Variants in LRMDA observed in about 807,000 individuals in gnomAD.
LRMDA encodes leucine-rich melanocyte differentiation-associated protein.
Under a neutral mutation model 29.8 loss-of-function variants are expected in LRMDA, and 18 were observed. The observed-to-expected ratio is 0.60, with a 90% CI of 0.42 to 0.90. The LOEUF (loss-of-function observed/expected upper bound fraction) is 0.90. Ranked by LOEUF, LRMDA falls within the 40% of genes least tolerant of loss-of-function variation. LRMDA has a pLI of 0.00. For missense variants in LRMDA, 273 were observed against 273.9 expected, an observed-to-expected ratio of 1.00 and a Z score of 0.02; for synonymous variants, 125 against 109.4, an observed-to-expected ratio of 1.14 and a Z score of -0.89.
chr10:76,302,826 C>T (rs914039826), intron 5 of LRMDA, among the ~76,000 whole-genome samples: 6 of 152,104 alleles, frequency 3.9e-5, no homozygotes, highest in African/African-American at 7.2e-5. Context: ...TCCTAAGTAG[C>T]CCTTTCTAGA....
At position 75,823,757 on chromosome 10, in the gene LRMDA, T is replaced by TAC. The variant is rs796189481; in HGVS notation, c.132-212237_132-212236dup. Among the ~76,000 whole-genome samples the TAC allele has an allele frequency of 1.7e-3, 245 of 147,432 alleles. 1 individual carries two copies. Among genetic ancestry groups the TAC allele is most frequent in the African/African-American group, 5.4e-3 (217 of 40,074 alleles). ...ACAGACACATATATACCTACTTACA[T>TAC]ACACACACACACACATACACACACA... On this transcript the variant is annotated intron_variant, in intron 2 of 6. Coordinates refer to ENST00000611255, the MANE Select transcript of LRMDA (RefSeq NM_001305581.2).
intron 2 of LRMDA, among the ~76,000 whole-genome samples, chr10:75,798,920 A>G (rs1008781112): frequency 2.6e-5 from 4 of 152,296 alleles, no homozygotes; most frequent in African/African-American, 4.8e-5. Flanking sequence ...TTTAATTTAG[A>G]TATTTATTAG....
intron 2 of LRMDA, among the ~76,000 whole-genome samples, chr10:75,948,720 T>C (rs1175107629): frequency 6.6e-6 from 1 of 152,188 alleles, no homozygotes; most frequent in East Asian, 1.9e-4. Flanking sequence ...GAACCTTTTC[T>C]CCCCCTTCTG....
At chr10:76,551,410 A>T (rs1843492892) in intron 6 of LRMDA, among the ~76,000 whole-genome samples, 2 of 152,216 alleles carry the variant, frequency 1.3e-5, no homozygotes, top group Admixed American at 1.3e-4. Flanking sequence ...TATGTACATG[A>T]TTATTTTAAT....
At chr10:75,884,684 G>A (rs938175968) in intron 2 of LRMDA, among the ~76,000 whole-genome samples, 2 of 152,228 alleles carry the variant, frequency 1.3e-5, no homozygotes, top group African/African-American at 4.8e-5. Context: ...GGGCCTGACA[G>A]TAACTCCTTG....
At chr10:76,554,950 C>T (rs547100261) in intron 6 of LRMDA, among the ~76,000 whole-genome samples, 106 of 152,106 alleles carry the variant, frequency 7.0e-4, no homozygotes, top group Middle Eastern at 6.8e-3. Context: ...AGATTGTGTT[C>T]TTTATGACAT....
chr10:75,797,792 A>G (rs1353999164), intron 2 of LRMDA, among the ~76,000 whole-genome samples: 1 of 152,160 alleles, frequency 6.6e-6, no homozygotes, highest in Non-Finnish European at 1.5e-5. Context: ...TTCATTTGTC[A>G]GTTGATGATG....
chr10:75,488,260 C>T (rs1462742025), intron 2 of LRMDA, among the ~76,000 whole-genome samples: 4 of 152,150 alleles, frequency 2.6e-5, no homozygotes, highest in Admixed American at 1.3e-4. Context: ...GTATCTTTTC[C>T]TTTTTCTTAA....
chr10:76,153,441 G>A (rs1850483108), intron 5 of LRMDA, among the ~76,000 whole-genome samples: 1 of 152,092 alleles, frequency 6.6e-6, no homozygotes, highest in African/African-American at 2.4e-5. Flanking sequence ...TAAGAATTTT[G>A]TATCTTTGGC....
intron 5 of LRMDA, among the ~76,000 whole-genome samples, chr10:76,313,217 G>A (rs1840650686): frequency 6.6e-6 from 1 of 152,118 alleles, no homozygotes; most frequent in African/African-American, 2.4e-5. Context: ...ACAGAACTAG[G>A]AGTTGTGACT....
Position 76,345,060 on chromosome 10 carries a change from C to CTTT in LRMDA, c.601+20597_601+20599dup, listed in dbSNP as rs60233969. On this transcript the variant is annotated intron_variant, in intron 6 of 6. Coordinates refer to ENST00000611255, the MANE Select transcript of LRMDA (RefSeq NM_001305581.2). ...AACCTTTTACACAGGAACACAAAACCTTTTTTTTTTTTTTTTTTTTTTTTG... is the reference window on the plus strand; with the variant it reads ...AACCTTTTACACAGGAACACAAAACCTTTTTTTTTTTTTTTTTTTTTTTTTTTG... Among the ~76,000 whole-genome samples the CTTT allele has an allele frequency of 9.8e-3, 763 of 77,628 alleles. 15 individuals carry two copies. Among genetic ancestry groups the CTTT allele is most frequent in the African/African-American group, 0.018 (332 of 18,846 alleles). 50.9% of individuals were successfully genotyped at this position (77,628 alleles called of 152,430 possible). A position where few individuals can be genotyped will look rare whatever the true frequency, so the allele number is the denominator to read the frequency against.
At chr10:75,895,310 C>T (rs552637424) in intron 2 of LRMDA, among the ~76,000 whole-genome samples, 3 of 152,302 alleles carry the variant, frequency 2.0e-5, no homozygotes, top group South Asian at 4.2e-4. Flanking sequence ...AAAACCATTT[C>T]CTAAAACACC....
intron 6 of LRMDA, among the ~76,000 whole-genome samples, chr10:76,364,594 A>G (rs2132449691): frequency 6.6e-6 from 1 of 152,156 alleles, no homozygotes; most frequent in East Asian, 1.9e-4. Context: ...GGGGAGGGGC[A>G]TGGGAAGAGG....
chr10:76,363,176 A>AGAAAGAAAGAAAGAAAGAAG lies in LRMDA; in HGVS notation c.601+38692_601+38693insAAAGAAAGAAAGAAAGAAGG, dbSNP rs1459442138. ...AAGAAAGAAAGAAAGAAAGAAAGAA[A>AGAAAGAAAGAAAGAAAGAAG]GGAGGGAGGGAGGGAGGGAGGGAGG... On this transcript the variant is annotated intron_variant, in intron 6 of 6. Coordinates refer to ENST00000611255, the MANE Select transcript of LRMDA (RefSeq NM_001305581.2). Among the ~76,000 whole-genome samples, 18 of 21,796 alleles carry AGAAAGAAAGAAAGAAAGAAG rather than the reference A, an allele frequency of 8.3e-4. 1 individual carries two copies. Among genetic ancestry groups the AGAAAGAAAGAAAGAAAGAAG allele is most frequent in the Admixed American group, 2.4e-3 (5 of 2,060 alleles). 14.3% of individuals were successfully genotyped at this position (21,796 alleles called of 152,430 possible).
chr10:76,173,107 A>G (rs139409402), intron 5 of LRMDA, among the ~76,000 whole-genome samples: 16 of 152,336 alleles, frequency 1.1e-4, no homozygotes, highest in Non-Finnish European at 1.8e-4. Flanking sequence ...TCTAGAGGTG[A>G]AAAATGCCAT....
chr10:76,409,105 AG>A (rs759391952), intron 6 of LRMDA, among the ~76,000 whole-genome samples: 2 of 152,186 alleles, frequency 1.3e-5, no homozygotes, highest in Non-Finnish European at 2.9e-5. Context: ...TCACTTGTCC[AG>A]GTGATTTTAA....
intron 5 of LRMDA, among the ~76,000 whole-genome samples, chr10:76,069,194 T>C (rs1848834938): frequency 6.6e-6 from 1 of 152,200 alleles, no homozygotes; most frequent in Non-Finnish European, 1.5e-5. Flanking sequence ...ACACTCAGAT[T>C]CCAAATGCAT....
At chr10:75,833,259 G>A (rs1184848691) in intron 2 of LRMDA, among the ~76,000 whole-genome samples, 1 of 152,170 alleles carries the variant, frequency 6.6e-6, no homozygotes, top group East Asian at 1.9e-4. Flanking sequence ...AGAGAAAGAA[G>A]GGTTTTGTAG....
chr10:76,164,076 A>G (rs1474269046), intron 5 of LRMDA, among the ~76,000 whole-genome samples: 1 of 152,206 alleles, frequency 6.6e-6, no homozygotes, highest in African/African-American at 2.4e-5. Flanking sequence ...GGACTCTCAG[A>G]GAACCAAGTC....
Sources: gnomAD v4.1 joint callset for allele counts (sites outside exome capture counted in the v4.1 genomes callset) on GRCh38, gnomAD v4.1.1 for gene constraint, MANE v1.5 for transcripts, NCBI Gene and HGNC (gene_info 2026-07-23, HGNC 2026-07-21) for gene names.